Variants in PLD6 observed in about 807,000 individuals in gnomAD.
The protein encoded by PLD6 is phospholipase D family member 6, also known as mitochondrial cardiolipin hydrolase.
In PLD6, 10 loss-of-function variants were observed where a neutral mutation model predicts 9.7. The observed-to-expected ratio is 1.03, with a 90% confidence interval of 0.64 to 1.75. The LOEUF is 1.75. Among genes scored for constraint, PLD6 ranks in the 40% most tolerant of loss-of-function variants. The probability of loss-of-function intolerance (pLI) is 0.00; values close to 1 mark genes in which losing one functional copy is unlikely to be tolerated. For synonymous variants in PLD6, 152 were observed against 159.2 expected (o/e 0.96, Z 0.34); for missense variants, 334 against 347.6 (o/e 0.96, Z 0.31).
chr17:17,206,090 G>T lies in PLD6; in HGVS notation c.197C>A (p.Pro66His). The part of the protein sequence containing the change: ...RAPGAELAEL[P>H]EGCPCGLPHG... Reference sequence around the variant, plus strand: ...GGGCAGGCCGCACGGGCAGCCCTCGGGGAGCTCGGCCAGCTCCGCGCCCGG... The same window carrying T: ...GGGCAGGCCGCACGGGCAGCCCTCGTGGAGCTCGGCCAGCTCCGCGCCCGG... The change falls in exon 1 of 2, where the codon CCC (proline) becomes CAC (histidine). Residue 66 changes from proline to histidine, a missense_variant. Physicochemically the swap from Pro to His is moderately conservative, Grantham distance 77. Transcript: ENST00000321560. 6.7e-7 allele frequency: 1 copy of T among 1,490,428 alleles called. No homozygotes were observed. The allele number at this position is 1,490,428 out of a possible 1,614,324, so 92.3% of individuals were successfully genotyped here.
rs186327050 is a variant in PLD6 at position 17,203,081 on chromosome 17, C to T, written c.445G>A (p.Asp149Asn). 27 of 1,613,360 alleles carry T rather than the reference C, an allele frequency of 1.7e-5. No individual in the cohort carries two copies. Among genetic ancestry groups the T allele is most frequent in the African/African-American group, 5.3e-5 (4 of 74,910 alleles). Residue 149 changes from aspartate to asparagine, a missense_variant, in exon 2 of 2, where the codon GAT (aspartate) becomes AAT (asparagine). Coordinates refer to ENST00000321560, the MANE Select transcript of PLD6 (RefSeq NM_178836.4). The stretch of plus-strand genomic sequence containing the variant: ...TGATGCATGTAGCCTGGGTCTTGAT[C>T]GTGCCGGACCTGGATCCCTGCAGAA... ...LRKAGIQVRH[D>N]QDPGYMHHKF...
Position 17,206,193 on chromosome 17 carries a change from A to G in PLD6, c.94T>C (p.Ser32Pro), listed in dbSNP as rs1231954136. 1.2e-5 allele frequency: 19 copies of G among 1,521,184 alleles called. No homozygotes were observed. Among genetic ancestry groups the G allele is most frequent in the African/African-American group, 1.1e-4 (8 of 69,830 alleles). 94.2% of individuals were successfully genotyped at this position (1,521,184 alleles called of 1,614,324 possible). ...TCGCGCCGCGGCCGCCGCCGCCTGG[A>G]CCGCAGCCAGCGCAGCACCCAAGGC... ...ALPWVLRWLR[S>P]RRRRPRREAL... The change falls in exon 1 of 2, where the codon TCC (serine) becomes CCC (proline). Residue 32 changes from serine (S) to proline (P), a missense_variant. Coordinates refer to ENST00000321560, the MANE Select transcript of PLD6 (RefSeq NM_178836.4).
rs2046714785 is a variant in PLD6, at chr17:17,205,878, C to A, written c.409G>T (p.Gly137Cys). ...DYMALNGSQI[G>C]LLRKAGIQVR... ...GGCCTACCTGCCTTGCGCAGCAGAC[C>A]GATTTGCGAGCCGTTGAGGGCCATG... The change falls in exon 1 of 2, where the codon GGT becomes TGT. Residue 137 changes from glycine (G) to cysteine (C), a missense_variant. By Grantham distance (159) the Gly-to-Cys change is radical. Coordinates refer to ENST00000321560, the MANE Select transcript of PLD6 (RefSeq NM_178836.4). The A allele has an allele frequency of 3.8e-6, 6 of 1,572,610 alleles. No homozygotes were observed. Among genetic ancestry groups the A allele is most frequent in the Non-Finnish European group, 5.2e-6 (6 of 1,160,210 alleles).
chr17:17,203,562 G>A (rs907574912), intron 1 of PLD6, among the ~76,000 whole-genome samples: 5 of 138,162 alleles, frequency 3.6e-5, no homozygotes, highest in East Asian at 2.3e-4. Context: ...GCACAACCTC[G>A]GCCACCAAGG....
intron 1 of PLD6, 75 bp downstream of exon 1, chr17:17,205,785 T>TA: frequency 6.7e-7 from 1 of 1,483,532 alleles, no homozygotes; most frequent in South Asian, 1.2e-5. Flanking sequence ...CCCCCTCCCC[T>TA]AAGTGTCCAC....
At chr17:17,203,976 GC>G (rs2046695802) in intron 1 of PLD6, among the ~76,000 whole-genome samples, 1 of 152,126 alleles carries the variant, frequency 6.6e-6, no homozygotes, top group Non-Finnish European at 1.5e-5. Context: ...CCTAAATTGG[GC>G]CTGGCAGGAT....
chr17:17,205,989 C>T lies in PLD6; in HGVS notation c.298G>A (p.Ala100Thr), dbSNP rs961392572. Residue 100 changes from alanine (A) to threonine (T), a missense_variant, in exon 1 of 2, where the codon GCC becomes ACC. Physicochemically the swap from Ala to Thr is moderately conservative, Grantham distance 58. Coordinates refer to ENST00000321560, the MANE Select transcript of PLD6 (RefSeq NM_178836.4). ...ARASLDLCLF[A>T]FSSPQLGRAV... The stretch of plus-strand genomic sequence containing the variant: ...CGGCCCAGCTGCGGGCTGGAGAAGG[C>T]GAACAGGCAGAGATCCAGGCTGGCG... 1.3e-6 allele frequency: 2 copies of T among 1,552,326 alleles called. No individual in the cohort carries two copies. Among genetic ancestry groups the T allele is most frequent in the Non-Finnish European group, 1.7e-6 (2 of 1,150,964 alleles).
At chr17:17,205,219 C>T (rs1272243675) in intron 1 of PLD6, among the ~76,000 whole-genome samples, 1 of 152,220 alleles carries the variant, frequency 6.6e-6, no homozygotes, top group East Asian at 1.9e-4. Flanking sequence ...CCTTCTGTCC[C>T]CACCCCATGA....
rs1034496941 is a variant in PLD6 at position 17,206,079 on chromosome 17, G to C, written c.208C>G (p.Pro70Ala). 8.0e-6 allele frequency: 12 copies of C among 1,503,568 alleles called. No homozygotes were observed. The highest frequency in any genetic ancestry group is 1.1e-5 in the Non-Finnish European group (12 of 1,133,798). The allele number at this position is 1,503,568 out of a possible 1,614,324, so 93.1% of individuals were successfully genotyped here. The change falls in exon 1 of 2, where the codon CCG becomes GCG. Residue 70 changes from proline (P) to alanine (A), a missense_variant. Physicochemically the swap from Pro to Ala is conservative, Grantham distance 27 (BLOSUM62 -1). Transcript: ENST00000321560. The stretch of plus-strand genomic sequence containing the variant: ...CTCTCGCCGTGGGGCAGGCCGCACG[G>C]GCAGCCCTCGGGGAGCTCGGCCAGC... Reference protein sequence around the residue: ...AELAELPEGCPCGLPHGESAL... With the variant: ...AELAELPEGCACGLPHGESAL...
Position 17,206,213 on chromosome 17 carries a change from C to A in PLD6, c.74G>T (p.Trp25Leu). Residue 25 changes from tryptophan to leucine, a missense_variant, in exon 1 of 2, where the codon TGG becomes TTG. Transcript: ENST00000321560. ...CCTGGACCGCAGCCAGCGCAGCACC[C>A]AAGGCAGCGCCTCCAGAGTCAGAGC... is the stretch of plus-strand genomic sequence containing the variant. Reference protein sequence around the residue: ...GLALTLEALPWVLRWLRSRRR... With the variant: ...GLALTLEALPLVLRWLRSRRR... The A allele has an allele frequency of 6.5e-7, 1 of 1,537,606 alleles. No homozygotes were observed. Among genetic ancestry groups the A allele is most frequent in the Middle Eastern group, 2.0e-4 (1 of 5,046 alleles).
Position 17,202,572 on chromosome 17 carries a change from G to T in PLD6, c.*195C>A. The T allele has an allele frequency of 1.6e-6, 1 of 615,982 alleles. No homozygotes were observed. Among genetic ancestry groups the T allele is most frequent in the Non-Finnish European group, 2.8e-6 (1 of 356,696 alleles). The allele number at this position is 615,982 out of a possible 1,614,324, so 38.2% of individuals were successfully genotyped here. ...GCAGGTCGTGACTGAAGTTATTTTG[G>T]CAAAGGAGCAAGAAAAAGGTCTGGC... On this transcript the variant is annotated 3_prime_UTR_variant, in exon 2 of 2. Transcript: ENST00000321560.
At chr17:17,204,042 G>A (rs1371445171) in intron 1 of PLD6, among the ~76,000 whole-genome samples, 1 of 152,092 alleles carries the variant, frequency 6.6e-6, no homozygotes, top group East Asian at 1.9e-4. Flanking sequence ...TCACACTCTG[G>A]CCACTCCTCT....
chr17:17,202,726 A>C lies in PLD6; in HGVS notation c.*41T>G. On this transcript the variant is annotated 3_prime_UTR_variant, in exon 2 of 2. Transcript: ENST00000321560. ...AGTGCCGAGGTCTCCCTCCCTCAGA[A>C]CGCACAGCAGCCCGCAGGGAGGGCT... is the stretch of plus-strand genomic sequence containing the variant. 6.4e-7 allele frequency: 1 copy of C among 1,566,040 alleles called. No homozygotes were observed.
Position 17,203,082 on chromosome 17 carries a change from G to A in PLD6, c.444C>T (p.His148=), listed in dbSNP as rs369608720. Residue 148 remains histidine, a synonymous_variant, in exon 2 of 2, where the codon CAC becomes CAT. Coordinates refer to ENST00000321560, the MANE Select transcript of PLD6 (RefSeq NM_178836.4). The part of the protein sequence containing the change: ...LLRKAGIQVR[H]DQDPGYMHHK... ...GATGCATGTAGCCTGGGTCTTGATC[G>A]TGCCGGACCTGGATCCCTGCAGAAA... 4.0e-5 allele frequency: 65 copies of A among 1,613,462 alleles called. No individual in the cohort carries two copies. Among genetic ancestry groups the A allele is most frequent in the South Asian group, 3.6e-4 (33 of 91,078 alleles).
intron 1 of PLD6, among the ~76,000 whole-genome samples, chr17:17,203,455 G>A (rs2046691586): frequency 6.6e-6 from 1 of 152,080 alleles, no homozygotes; most frequent in East Asian, 1.9e-4. Context: ...GACAGCGTGT[G>A]AGCCTTCAGG....
chr17:17,205,979 C>G lies in PLD6; in HGVS notation c.308G>C (p.Ser103Thr). Residue 103 changes from serine to threonine, a missense_variant, in exon 1 of 2, where the codon AGC becomes ACC. Transcript: ENST00000321560. ...SLDLCLFAFS[S>T]PQLGRAVQLL... is the part of the protein sequence containing the mutation. ...CTGCACGGCGCGGCCCAGCTGCGGG[C>G]TGGAGAAGGCGAACAGGCAGAGATC... is the stretch of plus-strand genomic sequence containing the variant. 1 of 1,554,006 alleles carries G rather than the reference C, an allele frequency of 6.4e-7. No homozygotes were observed. The highest frequency in any genetic ancestry group is 8.7e-7 in the Non-Finnish European group (1 of 1,151,238).
At chr17:17,205,772 A>T in intron 1 of PLD6, 88 bp downstream of exon 1, 1 of 1,432,810 alleles carries the variant, frequency 7.0e-7, no homozygotes, top group South Asian at 1.3e-5. Context: ...GCCCGTCCCC[A>T]GACCCCCTCC....
chr17:17,205,855 C>A lies in PLD6; in HGVS notation c.427+5G>T, dbSNP rs1304089673. ...CCTTCTCCGCTTGGACCCCGCCGGG[C>A]CTACCTGCCTTGCGCAGCAGACCGA... On this transcript the variant is annotated splice_donor_5th_base_variant and intron_variant, in intron 1 of 1. Transcript: ENST00000321560. 1 of 1,562,856 alleles carries A rather than the reference C, an allele frequency of 6.4e-7. No homozygotes were observed. Among genetic ancestry groups the A allele is most frequent in the South Asian group, 1.2e-5 (1 of 85,160 alleles).
In PLD6 at chr17:17,202,480, T is replaced by G; in HGVS notation, c.*287A>C. On this transcript the variant is annotated 3_prime_UTR_variant, in exon 2 of 2. Coordinates refer to ENST00000321560, the MANE Select transcript of PLD6 (RefSeq NM_178836.4). ...GACCTGGAAGAGGCACTGTGCCTTT[T>G]CTGTGCTGTAGCAGAAGTTTCGATT... 2.5e-6 allele frequency: 1 copy of G among 406,768 alleles called. No individual in the cohort carries two copies. The highest frequency in any genetic ancestry group is 4.5e-6 in the Non-Finnish European group (1 of 221,904). The allele number at this position is 406,768 out of a possible 1,614,324, so 25.2% of individuals were successfully genotyped here. A position where few individuals can be genotyped will look rare whatever the true frequency, so the allele number is the denominator to read the frequency against.
Sources: allele counts gnomAD v4.1 joint callset (sites outside exome capture counted in the v4.1 genomes callset), GRCh38; gene constraint gnomAD v4.1.1; transcripts MANE v1.5; gene names NCBI Gene and HGNC (gene_info 2026-07-23, HGNC 2026-07-21).